RIMS2: variants seen among roughly 807,000 people sequenced by gnomAD.
RIMS2 encodes regulating synaptic membrane exocytosis 2, also known as regulating synaptic membrane exocytosis protein 2.
In RIMS2, 59 loss-of-function variants were observed where a neutral mutation model predicts 174.4. The observed-to-expected ratio is 0.34, with a 90% CI of 0.27 to 0.42. RIMS2 has a LOEUF of 0.42. Among genes scored for constraint, RIMS2 ranks in the 10% least tolerant of loss-of-function variants. The pLI, the probability that RIMS2 is intolerant of heterozygous loss-of-function variation, is 1.00. For synonymous variants in RIMS2, 606 were observed against 572.5 expected (o/e 1.06, Z -0.84); for missense variants, 1,620 against 1,666.3 (o/e 0.97, Z 0.48).
intron 19 of RIMS2, among the ~76,000 whole-genome samples, chr8:104,196,619 G>T (rs948184290): frequency 2.0e-4 from 31 of 152,044 alleles, no homozygotes; most frequent in African/African-American, 7.0e-4. Context: ...TTTGATGATA[G>T]TACAGTTTTT....
intron 4 of RIMS2, among the ~76,000 whole-genome samples, chr8:103,908,396 T>C (rs1445199274): frequency 6.6e-6 from 1 of 152,158 alleles, no homozygotes; most frequent in Non-Finnish European, 1.5e-5. Flanking sequence ...GTCCACTAGG[T>C]TCAAATAATA....
chr8:103,720,246 C>G (rs1017774397), intron 2 of RIMS2, among the ~76,000 whole-genome samples: 1 of 152,074 alleles, frequency 6.6e-6, no homozygotes, highest in South Asian at 2.1e-4. Context: ...AGCACATAGG[C>G]CTTCATAACC....
At chr8:104,213,205 A>T (rs2099113312) in intron 19 of RIMS2, among the ~76,000 whole-genome samples, 1 of 152,094 alleles carries the variant, frequency 6.6e-6, no homozygotes, top group Admixed American at 6.5e-5. Context: ...TCAGCTACTC[A>T]GGAGGCTGAG....
chr8:104,104,371 G>T (rs548719776), intron 19 of RIMS2, among the ~76,000 whole-genome samples: 2 of 152,282 alleles, frequency 1.3e-5, no homozygotes, highest in Non-Finnish European at 2.9e-5. Flanking sequence ...GTAAAGTGTA[G>T]AAACAGTTAA....
intron 11 of RIMS2, among the ~76,000 whole-genome samples, chr8:103,931,046 C>T (rs907986202): frequency 6.6e-6 from 1 of 152,108 alleles, no homozygotes; most frequent in Non-Finnish European, 1.5e-5. Context: ...AAAAAGCCCA[C>T]ATGCTTGATC....
chr8:103,749,172 C>T (rs2097855942), intron 2 of RIMS2, among the ~76,000 whole-genome samples: 2 of 149,736 alleles, frequency 1.3e-5, no homozygotes, highest in African/African-American at 4.9e-5. Flanking sequence ...AGTGCAGTGG[C>T]GTGATCTCGG....
chr8:104,000,636 T>A (rs909917328), intron 17 of RIMS2, among the ~76,000 whole-genome samples: 18 of 151,872 alleles, frequency 1.2e-4, no homozygotes, highest in Non-Finnish European at 7.4e-5. Context: ...ACCTCCATAC[T>A]GTTTTCTATA....
At chr8:103,869,064 GT>G (rs1420096072) in intron 3 of RIMS2, among the ~76,000 whole-genome samples, 1 of 151,866 alleles carries the variant, frequency 6.6e-6, no homozygotes, top group Non-Finnish European at 1.5e-5. Context: ...AAGATTGATA[GT>G]TTCCCTGATA....
chr8:103,835,480 T>G (rs894103443), intron 3 of RIMS2, among the ~76,000 whole-genome samples: 1 of 152,194 alleles, frequency 6.6e-6, no homozygotes, highest in Non-Finnish European at 1.5e-5. Flanking sequence ...AGAAATTCAC[T>G]TGGTGTCATC....
At chr8:103,609,370 A>T (rs1365387613) in intron 1 of RIMS2, among the ~76,000 whole-genome samples, 1 of 152,124 alleles carries the variant, frequency 6.6e-6, no homozygotes, top group Non-Finnish European at 1.5e-5. Context: ...ATTAAGTTCT[A>T]TTTGCCAATG....
At chr8:103,527,150 C>T (rs1442953334) in intron 1 of RIMS2, among the ~76,000 whole-genome samples, 1 of 152,042 alleles carries the variant, frequency 6.6e-6, no homozygotes, top group Non-Finnish European at 1.5e-5. Flanking sequence ...ATTTTATGTC[C>T]AATGAAAATA....
intron 11 of RIMS2, among the ~76,000 whole-genome samples, 199 bp from the exon 14 acceptor site, chr8:103,931,064 C>T (rs2079833400): frequency 6.6e-6 from 1 of 152,106 alleles, no homozygotes; most frequent in Non-Finnish European, 1.5e-5. Context: ...ATCAGTCAAA[C>T]TGAAATGTCT....
intron 1 of RIMS2, among the ~76,000 whole-genome samples, chr8:103,686,720 C>G (rs1034796203): frequency 2.6e-5 from 4 of 152,026 alleles, no homozygotes; most frequent in African/African-American, 4.8e-5. Flanking sequence ...TTTACATCTG[C>G]TTATGAGAAA....
chr8:103,838,415 C>G (rs1178830009), intron 3 of RIMS2, among the ~76,000 whole-genome samples: 1 of 152,130 alleles, frequency 6.6e-6, no homozygotes, highest in East Asian at 1.9e-4. Context: ...CGTGACCCTA[C>G]AGCATTATAG....
intron 3 of RIMS2, among the ~76,000 whole-genome samples, chr8:103,872,614 T>C (rs967882690): frequency 6.6e-6 from 1 of 152,180 alleles, no homozygotes; most frequent in Non-Finnish European, 1.5e-5. Context: ...GCTACAACAA[T>C]GTGTGGCTCT....
rs571421947 is a variant in RIMS2 at position 103,556,635 on chromosome 8, G to A, written c.176+55573G>A. 2.6e-5 allele frequency among the ~76,000 whole-genome samples: 4 copies of A among 152,230 alleles called. 1 individual carries two copies. The South Asian group carries it at 8.3e-4, about 32-fold the overall frequency. ...TATTAGTTAAGGCTGGCATAATGCT[G>A]TGTCGAGATCAATTTACTCATAGAA... On this transcript the variant is annotated intron_variant, in intron 1 of 23. Coordinates refer to ENST00000504942, the Ensembl canonical transcript of RIMS2.
chr8:104,143,219 T>G (rs761888002), intron 19 of RIMS2, among the ~76,000 whole-genome samples: 29 of 152,362 alleles, frequency 1.9e-4, no homozygotes, highest in Non-Finnish European at 3.5e-4. Context: ...ATTACTACTT[T>G]ACTAGCCTAA....
At chr8:103,641,008 T>C (rs1225128322) in intron 1 of RIMS2, among the ~76,000 whole-genome samples, 2 of 152,170 alleles carry the variant, frequency 1.3e-5, no homozygotes, top group Non-Finnish European at 2.9e-5. Context: ...AATTTTTGCC[T>C]CCTGTATTTT....
At chr8:103,622,203 AT>A (rs1196673517) in intron 1 of RIMS2, among the ~76,000 whole-genome samples, 3 of 152,144 alleles carry the variant, frequency 2.0e-5, no homozygotes, top group Non-Finnish European at 4.4e-5. Context: ...AGAATTTATA[AT>A]TTTAAGTAGA....
Sources: gnomAD v4.1 joint callset for allele counts (sites outside exome capture counted in the v4.1 genomes callset) on GRCh38, gnomAD v4.1.1 for gene constraint, MANE v1.5 for transcripts, NCBI Gene and HGNC (gene_info 2026-07-23, HGNC 2026-07-21) for gene names.